PPP6R1: variants seen among roughly 807,000 people sequenced by gnomAD.
PPP6R1 encodes the protein protein phosphatase 6 regulatory subunit 1.
In PPP6R1, 39 loss-of-function variants were observed where a neutral mutation model predicts 104.6. The observed-to-expected ratio is 0.37, with a 90% confidence interval of 0.29 to 0.49. The LOEUF (loss-of-function observed/expected upper bound fraction) is 0.49, where lower values mean the gene tolerates loss of function less well. Ranked by LOEUF, PPP6R1 falls within the 20% of genes least tolerant of loss-of-function variation. The pLI is 0.98. For missense variants in PPP6R1, 1,181 were observed against 1,155.8 expected (o/e 1.02, Z -0.32); for synonymous variants, 549 against 479.0 (o/e 1.15, Z -1.91).
At chr19:55,239,725 G>T (rs1323269004) in intron 13 of PPP6R1, 42 bp from the exon 14 acceptor site, 2 of 1,589,582 alleles carry the variant, frequency 1.3e-6, no homozygotes, top group Non-Finnish European at 8.6e-7. Context: ...GGAGCCCCCA[G>T]ACCAGGGTGG....
At chr19:55,257,199 T>C (rs1327903886) in intron 1 of PPP6R1, among the ~76,000 whole-genome samples, 1 of 152,172 alleles carries the variant, frequency 6.6e-6, no homozygotes, top group Non-Finnish European at 1.5e-5. Flanking sequence ...TGTGCATGTA[T>C]GTAAACCAAG....
chr19:55,246,817 C>T (rs1171251595), intron 2 of PPP6R1, 60 bp downstream of exon 2: 11 of 1,380,818 alleles, frequency 8.0e-6, no homozygotes, highest in East Asian at 7.5e-5. Flanking sequence ...GTGAGGCTTG[C>T]GTAGTGAAGG....
At chr19:55,256,488 C>T (rs560900902) in intron 1 of PPP6R1, among the ~76,000 whole-genome samples, 2 of 152,368 alleles carry the variant, frequency 1.3e-5, no homozygotes, top group South Asian at 4.1e-4. Flanking sequence ...TTGAGAGCCA[C>T]TGCAATGGAC....
chr19:55,230,750 C>CCCCCCCT, intron 22 of PPP6R1, 24 bp downstream of exon 22: 2 of 1,473,478 alleles, frequency 1.4e-6, no homozygotes, highest in South Asian at 2.6e-5. Flanking sequence ...CCCCACCCCC[C>CCCCCCCT]CGCCCTGCTG....
At position 55,247,118 on chromosome 19, in the gene PPP6R1, A is replaced by G. The variant is rs1394064607; in HGVS notation, c.-6-9T>C. 11 of 1,610,692 alleles carry G rather than the reference A, an allele frequency of 6.8e-6. No homozygotes were observed. Among genetic ancestry groups the G allele is most frequent in the South Asian group, 2.2e-5 (2 of 91,018 alleles). ...TTCCAAAACATGGCGCCCTGCAGGC[A>G]TAGACACAACCAGCGCCGCGTCAGA... On this transcript the variant is annotated splice_polypyrimidine_tract_variant and intron_variant, in intron 1 of 23. Coordinates refer to ENST00000412770, the MANE Select transcript of PPP6R1 (RefSeq NM_014931.4).
downstream of PPP6R1, chr19:55,228,271 T>C (rs1414716863): frequency 7.4e-6 from 12 of 1,613,050 alleles, no homozygotes; most frequent in Non-Finnish European, 1.0e-5. Flanking sequence ...GAGCTGGGTG[T>C]AGCCCCCGCT....
chr19:55,251,724 GACC>G (rs1297971123), intron 1 of PPP6R1, among the ~76,000 whole-genome samples: 1 of 152,096 alleles, frequency 6.6e-6, no homozygotes, highest in African/African-American at 2.4e-5. Context: ...GCGACAGGCC[GACC>G]ACCAAGTGTC....
In PPP6R1 at chr19:55,231,267, C is replaced by G; in HGVS notation, c.2459+143G>C. 3 of 1,033,772 alleles carry G rather than the reference C, an allele frequency of 2.9e-6. No individual in the cohort carries two copies. The East Asian group carries it at 7.8e-5, about 27-fold the overall frequency. 64.0% of individuals were successfully genotyped at this position (1,033,772 alleles called of 1,614,324 possible). On this transcript the variant is annotated intron_variant, in intron 21 of 23. Coordinates refer to ENST00000412770, the MANE Select transcript of PPP6R1 (RefSeq NM_014931.4). ...GAACCAGCCTACAGAGTGCAAGGGG[C>G]TGGGGCACAACATGAGGCTGCGCCT...
At chr19:55,230,952 C>T in intron 21 of PPP6R1, 68 bp from the exon 22 acceptor site, 1 of 1,339,670 alleles carries the variant, frequency 7.5e-7, no homozygotes, top group Non-Finnish European at 1.0e-6. Context: ...CCCTCACATC[C>T]CACCCGACTG....
At chr19:55,248,261 A>T (rs1005834520) in intron 1 of PPP6R1, among the ~76,000 whole-genome samples, 1 of 152,096 alleles carries the variant, frequency 6.6e-6, no homozygotes, top group South Asian at 2.1e-4. Context: ...AGCAGCCCCC[A>T]AGAAAGCTGT....
At chr19:55,238,489 G>A (rs889992803) in intron 15 of PPP6R1, among the ~76,000 whole-genome samples, 1 of 152,006 alleles carries the variant, frequency 6.6e-6, no homozygotes, top group Non-Finnish European at 1.5e-5. Context: ...CTCCCTGGCC[G>A]TAAATGAGCT....
intron 15 of PPP6R1, among the ~76,000 whole-genome samples, chr19:55,237,909 T>C (rs1187496815): frequency 6.6e-6 from 1 of 152,232 alleles, no homozygotes; most frequent in Non-Finnish European, 1.5e-5. Context: ...GAAATCTTTC[T>C]GGGTTTAGTT....
At chr19:55,254,775 G>A (rs1463598074) in intron 1 of PPP6R1, among the ~76,000 whole-genome samples, 1 of 152,140 alleles carries the variant, frequency 6.6e-6, no homozygotes, top group Non-Finnish European at 1.5e-5. Context: ...GCTCCTTAAA[G>A]GGCCCAGAGT....
In PPP6R1 at chr19:55,230,487, GGGA is replaced by G. The variant is rs1568941662; in HGVS notation, c.*38_*40del. 6.8e-6 allele frequency: 11 copies of G among 1,612,006 alleles called. No homozygotes were observed. The highest frequency in any genetic ancestry group is 5.1e-6 in the Non-Finnish European group (6 of 1,179,264). ...CCTGCCCCCACCCCGGGAGATCCAC[GGGA>G]GGACGGAAGATTTGGCCGCCGCTGC... On this transcript the variant is annotated 3_prime_UTR_variant, in exon 24 of 24. Coordinates refer to ENST00000412770, the MANE Select transcript of PPP6R1 (RefSeq NM_014931.4).
intron 18 of PPP6R1, 26 bp from the exon 19 acceptor site, chr19:55,232,008 T>C (rs1568942890): frequency 7.5e-6 from 12 of 1,608,004 alleles, no homozygotes; most frequent in African/African-American, 1.3e-5. Flanking sequence ...GGGAGCGGGA[T>C]GGAGGGTGAA....
In PPP6R1 at chr19:55,230,249, A is replaced by G; in HGVS notation, c.*279T>C. On this transcript the variant is annotated 3_prime_UTR_variant, in exon 24 of 24. Coordinates refer to ENST00000412770, the MANE Select transcript of PPP6R1 (RefSeq NM_014931.4). ...CTCTCTCGCTCTCCTCCCTCTCTCT[A>G]TATAATATATAATATATGTTTCTCT... 3 of 517,158 alleles carry G rather than the reference A, an allele frequency of 5.8e-6. No homozygotes were observed. Among genetic ancestry groups the G allele is most frequent in the Non-Finnish European group, 1.0e-5 (3 of 287,772 alleles). The allele number at this position is 517,158 out of a possible 1,614,324, so 32.0% of individuals were successfully genotyped here. A position where few individuals can be genotyped will look rare whatever the true frequency, so the allele number is the denominator to read the frequency against.
intron 10 of PPP6R1, 36 bp downstream of exon 10, chr19:55,240,909 G>T: frequency 1.3e-6 from 2 of 1,595,916 alleles, no homozygotes. Context: ...CAGGGGATGG[G>T]CCCAGAAGGA....
In PPP6R1 at chr19:55,253,129, A is replaced by C. The variant is rs541441427; in HGVS notation, c.-7+5306T>G. 3.3e-5 allele frequency among the ~76,000 whole-genome samples: 5 copies of C among 152,348 alleles called. No individual in the cohort carries two copies. In the East Asian group the frequency reaches 9.6e-4, roughly 29 times the overall value. ...TCCACAGTGGGGACGGGATAGGAGCAGCACCAAGCCAGCATCTGTAGAAAA... is the reference window on the plus strand; with the variant it reads ...TCCACAGTGGGGACGGGATAGGAGCCGCACCAAGCCAGCATCTGTAGAAAA... On this transcript the variant is annotated intron_variant, in intron 1 of 23. Transcript: ENST00000412770.
intron 5 of PPP6R1, among the ~76,000 whole-genome samples, chr19:55,243,270 A>G (rs190243018): frequency 2.0e-3 from 310 of 152,134 alleles, no homozygotes; most frequent in African/African-American, 6.9e-3. Context: ...AAAATTAGCC[A>G]GGCGCAGTGG....
Sources: allele counts gnomAD v4.1 joint callset (sites outside exome capture counted in the v4.1 genomes callset), GRCh38; gene constraint gnomAD v4.1.1; transcripts MANE v1.5; gene names NCBI Gene and HGNC (gene_info 2026-07-23, HGNC 2026-07-21).